CAMTA1: variants seen among roughly 807,000 people sequenced by gnomAD.
The protein encoded by CAMTA1 is calmodulin-binding transcription activator 1.
A neutral mutation model predicts 170.9 loss-of-function variants in CAMTA1; 27 were observed. The observed-to-expected ratio is 0.16, with a 90% CI of 0.12 to 0.22. The LOEUF (loss-of-function observed/expected upper bound fraction) is 0.22, where lower values mean the gene tolerates loss of function less well. Ranked by LOEUF, CAMTA1 falls within the 10% of genes least tolerant of loss-of-function variation. The probability of loss-of-function intolerance (pLI) is 1.00; values close to 1 mark genes in which losing one functional copy is unlikely to be tolerated. For missense variants in CAMTA1, 1,619 were observed against 2,217.2 expected, an observed-to-expected ratio of 0.73 and a Z score of 5.42; for synonymous variants, 833 against 891.5, an observed-to-expected ratio of 0.93 and a Z score of 1.17.
At chr1:7,290,269 C>G (rs571189684) in intron 5 of CAMTA1, among the ~76,000 whole-genome samples, 1 of 152,180 alleles carries the variant, frequency 6.6e-6, no homozygotes, top group Non-Finnish European at 1.5e-5. Flanking sequence ...TTCCTTTGGC[C>G]TGGAGCTTTT....
intron 6 of CAMTA1, among the ~76,000 whole-genome samples, chr1:7,499,719 C>T (rs1243790248): frequency 8.1e-6 from 1 of 123,802 alleles, no homozygotes; most frequent in African/African-American, 3.2e-5. Context: ...TGTGTGTGTG[C>T]ATGTGTGTCC....
chr1:7,546,200 C>T (rs1172374287), intron 6 of CAMTA1, among the ~76,000 whole-genome samples: 3 of 152,154 alleles, frequency 2.0e-5, no homozygotes, highest in Admixed American at 2.0e-4. Flanking sequence ...TCGTGATCCA[C>T]CCACCTCAGC....
intron 1 of CAMTA1, among the ~76,000 whole-genome samples, chr1:6,796,523 A>G (rs1170964857): frequency 6.6e-5 from 10 of 152,132 alleles, no homozygotes; most frequent in Non-Finnish European, 1.5e-4. Flanking sequence ...AGATTAAATG[A>G]TGTTTTATTC....
chr1:7,106,356 G>A (rs1643590691), intron 4 of CAMTA1, among the ~76,000 whole-genome samples: 1 of 152,042 alleles, frequency 6.6e-6, no homozygotes, highest in Non-Finnish European at 1.5e-5. Context: ...GGGAGCAAAA[G>A]AGAGGGAGGG....
chr1:7,279,660 C>T (rs952254093), intron 5 of CAMTA1, among the ~76,000 whole-genome samples: 4 of 152,142 alleles, frequency 2.6e-5, no homozygotes, highest in Admixed American at 2.0e-4. Context: ...GGCACCGTGC[C>T]GAGGGCCAAG....
At chr1:7,755,326 CAAAAAAAAAAAAAA>C (rs70987373) in intron 21 of CAMTA1, among the ~76,000 whole-genome samples, 11 of 61,964 alleles carry the variant, frequency 1.8e-4, no homozygotes, top group African/African-American at 4.8e-4. Context: ...GACTCCGTCT[CAAAAAAAAAAAAAA>C]AAAAAAAAAA....
intron 5 of CAMTA1, among the ~76,000 whole-genome samples, chr1:7,335,943 A>G (rs777980361): frequency 1.3e-5 from 2 of 152,146 alleles, no homozygotes; most frequent in African/African-American, 2.4e-5. Context: ...TTATTTATCA[A>G]ACTAATTAAA....
At chr1:7,474,898 C>T (rs2093395563) in intron 6 of CAMTA1, among the ~76,000 whole-genome samples, 1 of 152,226 alleles carries the variant, frequency 6.6e-6, no homozygotes, top group Non-Finnish European at 1.5e-5. Context: ...GCCCTGCAGC[C>T]CTCAGGAAGG....
At chr1:7,550,585 C>T (rs1279660964) in intron 6 of CAMTA1, among the ~76,000 whole-genome samples, 3 of 151,294 alleles carry the variant, frequency 2.0e-5, no homozygotes, top group Non-Finnish European at 4.4e-5. Flanking sequence ...CTACCTGACC[C>T]TCTTTAACGT....
chr1:7,394,445 G>A (rs1557645383), intron 5 of CAMTA1, among the ~76,000 whole-genome samples: 1 of 152,144 alleles, frequency 6.6e-6, no homozygotes, highest in Non-Finnish European at 1.5e-5. Context: ...GATTAGTGAT[G>A]TTGAGCATTT....
chr1:7,410,135 T>C (rs1339526929), intron 5 of CAMTA1, among the ~76,000 whole-genome samples: 1 of 152,196 alleles, frequency 6.6e-6, no homozygotes, highest in Non-Finnish European at 1.5e-5. Flanking sequence ...TTTGTTACAG[T>C]TGATTTTAAA....
At chr1:7,643,604 G>A (rs971685615) in intron 7 of CAMTA1, among the ~76,000 whole-genome samples, 1 of 152,228 alleles carries the variant, frequency 6.6e-6, no homozygotes, top group Non-Finnish European at 1.5e-5. Context: ...CCAGTCCGGA[G>A]CCAGCCTCCA....
At chr1:7,575,320 G>C (rs1480477629) in intron 6 of CAMTA1, among the ~76,000 whole-genome samples, 1 of 152,164 alleles carries the variant, frequency 6.6e-6, no homozygotes, top group Non-Finnish European at 1.5e-5. Context: ...TCTCTGGATA[G>C]AGGCCTCCTT....
In CAMTA1 at chr1:7,663,656, C is replaced by T. The variant is rs138975854; in HGVS notation, c.1109C>T (p.Pro370Leu). ...ATCAGCAGCGGGCTCAACAGCGACC[C>T]GGACATGGTGGACAGCCCGGTGGTC... ...VSISSGLNSD[P>L]DMVDSPVVTG... The change falls in exon 9 of 23, where the codon CCG (proline) becomes CTG (leucine). Residue 370 changes from proline (P) to leucine (L), a missense_variant. Pro to Leu is a moderately conservative substitution (Grantham distance 98). Transcript: ENST00000303635. The T allele has an allele frequency of 6.2e-6, 10 of 1,614,038 alleles. No individual in the cohort carries two copies. In the African/African-American group the frequency reaches 8.0e-5, roughly 13 times the overall value.
Position 6,796,132 on chromosome 1 carries a change from CTTTTTTTTTTTT to C in CAMTA1, c.45+10572_45+10583del, listed in dbSNP as rs978363793. Among the ~76,000 whole-genome samples the C allele has an allele frequency of 6.2e-4, 44 of 70,962 alleles. 1 individual carries two copies. Among genetic ancestry groups the C allele is most frequent in the South Asian group, 3.2e-3 (7 of 2,160 alleles). 46.6% of individuals were successfully genotyped at this position (70,962 alleles called of 152,430 possible). The stretch of plus-strand genomic sequence containing the variant: ...GCTCCTTTGTTATAAAATAGCATTT[CTTTTTTTTTTTT>C]TTTTTTTTTTTTTTGGAGACGGTCT... On this transcript the variant is annotated intron_variant, in intron 1 of 22. Transcript: ENST00000303635.
chr1:7,418,568 A>C (rs1028175626), intron 5 of CAMTA1, among the ~76,000 whole-genome samples: 1 of 152,154 alleles, frequency 6.6e-6, no homozygotes, highest in African/African-American at 2.4e-5. Context: ...CAGTGGCCCC[A>C]GATGCGGATC....
chr1:7,748,792 A>T lies in CAMTA1; in HGVS notation c.4689+1011A>T, dbSNP rs115785000. Among the ~76,000 whole-genome samples the T allele has an allele frequency of 3.2e-3, 490 of 152,332 alleles. 5 individuals are homozygous for T. Among genetic ancestry groups the T allele is most frequent in the Admixed American group, 0.012 (185 of 15,302 alleles). On this transcript the variant is annotated intron_variant, in intron 19 of 22. Coordinates refer to ENST00000303635, the MANE Select transcript of CAMTA1 (RefSeq NM_015215.4). The surrounding 1 kb of genome is among the most constrained non-coding windows in gnomAD (Gnocchi z 4.7). ...TTTGTGCACCTTAGTTAAAGGTGCA[A>T]GAAGATTATCTAAGTACTCTTTCAT... is the stretch of plus-strand genomic sequence containing the variant.
At chr1:7,654,483 C>G (rs1438996624) in intron 7 of CAMTA1, among the ~76,000 whole-genome samples, 2 of 151,816 alleles carry the variant, frequency 1.3e-5, no homozygotes, top group East Asian at 1.9e-4. Context: ...CACACACACC[C>G]CTATACATAC....
At chr1:7,706,025 CTG>C (rs150673398) in intron 11 of CAMTA1, among the ~76,000 whole-genome samples, 2,673 of 152,290 alleles carry the variant, frequency 0.018, 66 homozygotes, top group African/African-American at 0.061. Flanking sequence ...TTTTCGATCT[CTG>C]TAGATTACTG....
Sources: gnomAD v4.1 joint callset for allele counts (sites outside exome capture counted in the v4.1 genomes callset) on GRCh38, gnomAD v4.1.1 for gene constraint, Gnocchi (gnomAD v3.1) non-coding constraint, MANE v1.5 for transcripts, NCBI Gene and HGNC (gene_info 2026-07-23, HGNC 2026-07-21) for gene names.